The following CDH13 variants were observed in gnomAD, a reference collection of about 807,000 sequenced individuals.
CDH13 encodes the protein cadherin-13.
A neutral mutation model predicts 63.8 loss-of-function variants in CDH13; 24 were observed. The observed-to-expected ratio is 0.38, with a 90% CI of 0.27 to 0.53. The LOEUF is 0.53. Among genes scored for constraint, CDH13 ranks in the 20% least tolerant of loss-of-function variants. The pLI is 0.85. For synonymous variants in CDH13, 503 were observed against 355.3 expected (o/e 1.42, Z -4.67); for missense variants, 1,049 against 903.1 (o/e 1.16, Z -2.07).
At chr16:83,010,406 G>A (rs1914029396) in intron 2 of CDH13, among the ~76,000 whole-genome samples, 1 of 152,058 alleles carries the variant, frequency 6.6e-6, no homozygotes. Context: ...TGTCAGAAAT[G>A]GAAATGTAGG....
chr16:82,979,085 C>T (rs574402889), intron 2 of CDH13, among the ~76,000 whole-genome samples: 1 of 152,260 alleles, frequency 6.6e-6, no homozygotes, highest in African/African-American at 2.4e-5. Context: ...TAATGACTGC[C>T]CTATTGGATT....
chr16:83,122,615 C>A (rs2035632526), intron 3 of CDH13, among the ~76,000 whole-genome samples: 1 of 152,114 alleles, frequency 6.6e-6, no homozygotes. Flanking sequence ...GTGATTGTCC[C>A]TTTATCCCTA....
At chr16:83,324,422 C>G (rs1033785467) in intron 5 of CDH13, among the ~76,000 whole-genome samples, 1 of 152,190 alleles carries the variant, frequency 6.6e-6, no homozygotes, top group African/African-American at 2.4e-5. Context: ...TCTTTCCTAT[C>G]TCTAAACAAC....
At chr16:83,117,254 G>A (rs1313004185) in intron 3 of CDH13, among the ~76,000 whole-genome samples, 1 of 152,074 alleles carries the variant, frequency 6.6e-6, no homozygotes, top group Non-Finnish European at 1.5e-5. Context: ...CCTTCACCAG[G>A]TCCAGACTGT....
At chr16:82,635,380 T>A (rs1317662482) in intron 1 of CDH13, among the ~76,000 whole-genome samples, 1 of 152,074 alleles carries the variant, frequency 6.6e-6, no homozygotes, top group Non-Finnish European at 1.5e-5. Context: ...GGAAAGGCAT[T>A]CCAGGAAGAA....
At chr16:83,316,673 G>C (rs1269766347) in intron 5 of CDH13, among the ~76,000 whole-genome samples, 1 of 152,228 alleles carries the variant, frequency 6.6e-6, no homozygotes, top group Non-Finnish European at 1.5e-5. Flanking sequence ...AGTCTATGCA[G>C]AGTTTAATGT....
At chr16:83,048,434 C>T (rs1364970833) in intron 3 of CDH13, among the ~76,000 whole-genome samples, 1 of 152,204 alleles carries the variant, frequency 6.6e-6, no homozygotes, top group Non-Finnish European at 1.5e-5. Flanking sequence ...TCCCTCTCTG[C>T]AGGTTCCTGC....
At chr16:83,263,994 A>G (rs951943653) in intron 5 of CDH13, among the ~76,000 whole-genome samples, 1 of 152,218 alleles carries the variant, frequency 6.6e-6, no homozygotes, top group Non-Finnish European at 1.5e-5. Context: ...AAGTTCCTAG[A>G]TAGATTCCAA....
chr16:83,220,655 G>GT (rs2039669986), intron 5 of CDH13, among the ~76,000 whole-genome samples: 1 of 137,914 alleles, frequency 7.3e-6, no homozygotes, highest in Admixed American at 7.3e-5. Context: ...AACAGAGCAA[G>GT]AAAAAAAAAG....
rs144164259 is a variant in CDH13, at chr16:82,797,194, A to G, written c.46-61168A>G. Among the ~76,000 whole-genome samples the G allele has an allele frequency of 1.6e-4, 25 of 152,276 alleles. No homozygotes were observed. The East Asian group carries it at 3.3e-3, about 20-fold the overall frequency. The stretch of plus-strand genomic sequence containing the variant: ...TCTTTCAGTGTGGGGAGGAATGGTG[A>G]CTTTTCAGTTGCTTCTGAATACGGT... On this transcript the variant is annotated intron_variant, in intron 1 of 13. Transcript: ENST00000567109.
chr16:83,636,341 G>T (rs368224023), intron 8 of CDH13, among the ~76,000 whole-genome samples: 74 of 152,120 alleles, frequency 4.9e-4, no homozygotes, highest in African/African-American at 1.6e-3. Context: ...AGGAATACAT[G>T]TGCAGGTTTG....
intron 3 of CDH13, among the ~76,000 whole-genome samples, chr16:83,037,272 C>T (rs1394251250): frequency 1.3e-5 from 2 of 152,170 alleles, no homozygotes; most frequent in Non-Finnish European, 2.9e-5. Flanking sequence ...ATTACCCCTT[C>T]CTGCAGATAT....
chr16:83,399,607 A>G (rs749676216), intron 6 of CDH13, among the ~76,000 whole-genome samples: 2 of 152,112 alleles, frequency 1.3e-5, no homozygotes, highest in Non-Finnish European at 2.9e-5. Context: ...CTCACTCGTA[A>G]CCAGTAGAAT....
chr16:82,867,264 T>C (rs906548900), intron 2 of CDH13, among the ~76,000 whole-genome samples: 8 of 152,192 alleles, frequency 5.3e-5, no homozygotes, highest in Admixed American at 3.9e-4. Flanking sequence ...CATAGTTCTG[T>C]GGCCTAGTGT....
At chr16:83,692,264 C>T (rs1904979837) in intron 10 of CDH13, among the ~76,000 whole-genome samples, 3 of 152,222 alleles carry the variant, frequency 2.0e-5, no homozygotes, top group Admixed American at 2.0e-4. Context: ...AAAATCATTG[C>T]TGCCAGATGC....
At chr16:83,612,764 C>T (rs1194503270) in intron 8 of CDH13, among the ~76,000 whole-genome samples, 2 of 151,982 alleles carry the variant, frequency 1.3e-5, no homozygotes, top group Admixed American at 6.6e-5. Flanking sequence ...ATTTTTAGGA[C>T]TTACTGGATA....
At chr16:83,295,054 T>C (rs1220779064) in intron 5 of CDH13, among the ~76,000 whole-genome samples, 4 of 151,986 alleles carry the variant, frequency 2.6e-5, no homozygotes, top group Non-Finnish European at 5.9e-5. Context: ...TTGAACAGAA[T>C]AGAAAACCCA....
intron 2 of CDH13, among the ~76,000 whole-genome samples, chr16:82,876,206 C>T (rs1406749666): frequency 6.6e-6 from 1 of 152,170 alleles, no homozygotes; most frequent in Non-Finnish European, 1.5e-5. Context: ...CATATCATGT[C>T]CTACAGGACA....
intron 1 of CDH13, among the ~76,000 whole-genome samples, chr16:82,672,101 C>G (rs1015285816): frequency 6.6e-6 from 1 of 152,208 alleles, no homozygotes; most frequent in Non-Finnish European, 1.5e-5. Flanking sequence ...GTCTTTGAAG[C>G]TGGGCCGATT....
Sources: gnomAD v4.1 joint callset for allele counts (sites outside exome capture counted in the v4.1 genomes callset) on GRCh38, gnomAD v4.1.1 for gene constraint, MANE v1.5 for transcripts, NCBI Gene and HGNC (gene_info 2026-07-23, HGNC 2026-07-21) for gene names.